The following MAPK8IP3 variants were observed in gnomAD, a reference collection of about 807,000 sequenced individuals.
MAPK8IP3 encodes the protein C-Jun-amino-terminal kinase-interacting protein 3.
In MAPK8IP3, 49 loss-of-function variants were observed where a neutral mutation model predicts 157.8. That is an observed-to-expected ratio of 0.31 (90% CI 0.25 to 0.39). MAPK8IP3 has a LOEUF of 0.39. Ranked by LOEUF, MAPK8IP3 falls within the 10% of genes least tolerant of loss-of-function variation. The pLI, the probability that MAPK8IP3 is intolerant of heterozygous loss-of-function variation, is 1.00. For missense variants in MAPK8IP3, 1,478 were observed against 1,889.4 expected (o/e 0.78, Z 4.04); for synonymous variants, 897 against 777.7 (o/e 1.15, Z -2.55).
chr16:1,718,932 G>A (rs2038336641), intron 1 of MAPK8IP3, among the ~76,000 whole-genome samples: 1 of 152,222 alleles, frequency 6.6e-6, no homozygotes, highest in African/African-American at 2.4e-5. Flanking sequence ...GGCTGGGCGA[G>A]GTGGCTCACG....
intron 8 of MAPK8IP3, among the ~76,000 whole-genome samples, chr16:1,754,458 T>C (rs2041477265): frequency 6.6e-6 from 1 of 152,046 alleles, no homozygotes; most frequent in Admixed American, 6.5e-5. Context: ...ATTCCACCGA[T>C]GTAGTAGCCA....
At chr16:1,738,862 CGT>C (rs1391026826) in intron 4 of MAPK8IP3, among the ~76,000 whole-genome samples, 10 of 126,142 alleles carry the variant, frequency 7.9e-5, no homozygotes, top group Non-Finnish European at 1.3e-4. Context: ...TGTGAGCGTC[CGT>C]GTGAGTGTGA....
In MAPK8IP3 at chr16:1,706,672, G is replaced by A. The variant is rs761221477; in HGVS notation, c.318+15G>A. On this transcript the variant is annotated intron_variant, in intron 1 of 31. Coordinates refer to ENST00000610761, the MANE Select transcript of MAPK8IP3 (RefSeq NM_001318852.2). The surrounding 1 kb of genome is among the most constrained non-coding windows in gnomAD (Gnocchi z 5.1). ...AGGCGGAGGAGGTGCGTGGGCCGCG[G>A]GACCCGCCCGCATCCCCGTCCCGGA... is the stretch of plus-strand genomic sequence containing the variant. 5 of 1,522,098 alleles carry A rather than the reference G, an allele frequency of 3.3e-6. No homozygotes were observed. The highest frequency in any genetic ancestry group is 4.4e-6 in the Non-Finnish European group (5 of 1,135,208). 94.3% of individuals were successfully genotyped at this position (1,522,098 alleles called of 1,614,324 possible). A position where few individuals can be genotyped will look rare whatever the true frequency, so the allele number is the denominator to read the frequency against.
At chr16:1,731,209 G>A (rs755943295) in intron 4 of MAPK8IP3, among the ~76,000 whole-genome samples, 7 of 152,056 alleles carry the variant, frequency 4.6e-5, no homozygotes, top group Non-Finnish European at 8.8e-5. Context: ...CATGCCTGTG[G>A]TCCCAGCTAC....
chr16:1,709,931 C>G (rs2142263870), intron 1 of MAPK8IP3, among the ~76,000 whole-genome samples: 1 of 152,320 alleles, frequency 6.6e-6, no homozygotes, highest in East Asian at 1.9e-4. Flanking sequence ...AGGCTCATGG[C>G]AGGCAGCTGG....
At chr16:1,748,555 G>A in intron 7 of MAPK8IP3, 47 bp from the exon 8 acceptor site, 1 of 1,487,570 alleles carries the variant, frequency 6.7e-7, no homozygotes, top group Admixed American at 1.7e-5. Flanking sequence ...GCCACTCCGG[G>A]CTGCCCACTG....
At chr16:1,746,913 G>A (rs2040996314) in intron 5 of MAPK8IP3, 116 bp from the exon 6 acceptor site, 6 of 1,281,038 alleles carry the variant, frequency 4.7e-6, no homozygotes, top group Admixed American at 4.8e-5. Context: ...CCCGCAGGGT[G>A]TCGGGCGAGG....
intron 8 of MAPK8IP3, among the ~76,000 whole-genome samples, chr16:1,749,412 G>C (rs1365506618): frequency 6.6e-6 from 1 of 152,164 alleles, no homozygotes; most frequent in Non-Finnish European, 1.5e-5. Context: ...GCACACCCTA[G>C]GACCATTGAC....
chr16:1,726,759 G>A (rs549492925), intron 2 of MAPK8IP3, among the ~76,000 whole-genome samples: 14 of 152,330 alleles, frequency 9.2e-5, no homozygotes, highest in African/African-American at 2.6e-4. Context: ...AGCAGGCCCC[G>A]GGCTCCCTCC....
chr16:1,757,356 G>A (rs759173142), intron 8 of MAPK8IP3, among the ~76,000 whole-genome samples: 14 of 152,082 alleles, frequency 9.2e-5, no homozygotes, highest in Non-Finnish European at 1.9e-4. Flanking sequence ...CGCCCGCCTC[G>A]GCCTCCTAAA....
chr16:1,733,660 A>T (rs2039463518), intron 4 of MAPK8IP3, among the ~76,000 whole-genome samples: 1 of 152,110 alleles, frequency 6.6e-6, no homozygotes, highest in Non-Finnish European at 1.5e-5. Flanking sequence ...TGGCGCCGAG[A>T]GTTCAGTGGG....
intron 2 of MAPK8IP3, 49 bp from the exon 3 acceptor site, chr16:1,729,089 G>C: frequency 6.4e-7 from 1 of 1,558,690 alleles, no homozygotes; most frequent in Non-Finnish European, 8.9e-7. Flanking sequence ...AGAGTTCAGG[G>C]CCATGGAGAA....
intron 2 of MAPK8IP3, among the ~76,000 whole-genome samples, chr16:1,725,127 C>T (rs374079315): frequency 8.1e-4 from 123 of 151,328 alleles, no homozygotes; most frequent in African/African-American, 2.9e-3. Context: ...CTGTCCCCTG[C>T]AAGGCGAAGT....
At chr16:1,733,276 C>T (rs1029152571) in intron 4 of MAPK8IP3, among the ~76,000 whole-genome samples, 9 of 152,130 alleles carry the variant, frequency 5.9e-5, no homozygotes, top group African/African-American at 2.2e-4. Context: ...CCCAGCTCAT[C>T]CCAGATCCCA....
At chr16:1,759,062 G>A (rs905388324) in intron 10 of MAPK8IP3, 67 bp downstream of exon 10, 3 of 1,600,584 alleles carry the variant, frequency 1.9e-6, no homozygotes, top group Admixed American at 3.3e-5. Flanking sequence ...TGCTTCATGA[G>A]CCGTTTGCTT....
chr16:1,766,433 A>C, intron 22 of MAPK8IP3, 24 bp downstream of exon 22: 1 of 1,606,352 alleles, frequency 6.2e-7, no homozygotes, highest in Non-Finnish European at 8.5e-7. Flanking sequence ...CTGGGGCAGG[A>C]GCAGAGGGAA....
chr16:1,735,407 ATGTGAGCGTCCGTGTGACCATCCG>A (rs2039616069), intron 4 of MAPK8IP3, among the ~76,000 whole-genome samples: 1 of 140,286 alleles, frequency 7.1e-6, no homozygotes. Context: ...GTGACCGTCC[ATGTGAGCGTCCGTGTGACCATCCG>A]TGTGAGCATC....
At chr16:1,754,455 C>T (rs561531316) in intron 8 of MAPK8IP3, among the ~76,000 whole-genome samples, 38 of 152,124 alleles carry the variant, frequency 2.5e-4, no homozygotes, top group Non-Finnish European at 4.0e-4. Context: ...GAGATTCCAC[C>T]GATGTAGTAG....
rs984630780 is a variant in MAPK8IP3, at chr16:1,742,337, G to A, written c.603-995G>A. ...GACTGAGCCCACAGCAGGGGGCACT[G>A]AGCACTGTCCTGACAGCTCCAGCTC... On this transcript the variant is annotated intron_variant, in intron 4 of 31. Transcript: ENST00000610761. This position sits in a 1 kb window ranked among gnomAD's most constrained non-coding sequence, Gnocchi z 5.0. Among the ~76,000 whole-genome samples, 12 of 152,148 alleles carry A rather than the reference G, an allele frequency of 7.9e-5. No homozygotes were observed. Among genetic ancestry groups the A allele is most frequent in the African/African-American group, 9.7e-5 (4 of 41,408 alleles).
Sources: allele counts gnomAD v4.1 joint callset (sites outside exome capture counted in the v4.1 genomes callset), GRCh38; gene constraint gnomAD v4.1.1; non-coding constraint Gnocchi (gnomAD v3.1); transcripts MANE v1.5; gene names NCBI Gene and HGNC (gene_info 2026-07-23, HGNC 2026-07-21).